ANKRD28: variants seen among roughly 807,000 people sequenced by gnomAD.
ANKRD28 encodes serine/threonine-protein phosphatase 6 regulatory ankyrin repeat subunit A.
A neutral mutation model predicts 126.5 loss-of-function variants in ANKRD28; 44 were observed. The ratio of observed to expected loss-of-function variants is 0.35; its 90% CI spans 0.27 to 0.45. ANKRD28 has a LOEUF of 0.45. Ranked by LOEUF, ANKRD28 falls within the 20% of genes least tolerant of loss-of-function variation. The probability of loss-of-function intolerance (pLI) is 1.00; values close to 1 mark genes in which losing one functional copy is unlikely to be tolerated. For missense variants in ANKRD28, 1,110 were observed against 1,316.6 expected, an observed-to-expected ratio of 0.84 and a Z score of 2.43; for synonymous variants, 442 against 468.5, an observed-to-expected ratio of 0.94 and a Z score of 0.73.
chr3:15,795,183 G>A (rs1559545998), intron 2 of ANKRD28, 40 bp downstream of exon 2: 1 of 1,321,518 alleles, frequency 7.6e-7, no homozygotes, highest in East Asian at 2.3e-5. Flanking sequence ...ATTTTAAAAA[G>A]CAGTTTTAAA....
At chr3:15,703,161 A>G (rs2125980361) in intron 14 of ANKRD28, among the ~76,000 whole-genome samples, 1 of 152,354 alleles carries the variant, frequency 6.6e-6, no homozygotes, top group Middle Eastern at 3.4e-3. Flanking sequence ...AAAAAAATTT[A>G]AAGATTGATT....
intron 2 of ANKRD28, among the ~76,000 whole-genome samples, chr3:15,783,078 GATAA>G (rs1371863635): frequency 6.6e-6 from 1 of 151,558 alleles, no homozygotes; most frequent in Non-Finnish European, 1.5e-5. Flanking sequence ...TAAAAGAATT[GATAA>G]ATGTGGATGT....
rs144207025 is a variant in ANKRD28, at chr3:15,859,058, G to C, written c.27+319C>G. ...AGCGGGGAAGCCACCTGTTAGGCCC[G>C]AGCCTCACCTGGCAGGAAAGAGGAA... On this transcript the variant is annotated intron_variant, in intron 1 of 27. Transcript: ENST00000399451. Among the ~76,000 whole-genome samples, 377 of 152,298 alleles carry C rather than the reference G, an allele frequency of 2.5e-3. 2 individuals carry two copies. The highest frequency in any genetic ancestry group is 8.7e-3 in the African/African-American group (363 of 41,580).
chr3:15,678,895 C>A (rs2067233114), intron 23 of ANKRD28, among the ~76,000 whole-genome samples: 1 of 152,048 alleles, frequency 6.6e-6, no homozygotes, highest in Non-Finnish European at 1.5e-5. Flanking sequence ...ATATAAAAAT[C>A]AACTTTTAAT....
intron 1 of ANKRD28, 110 bp downstream of exon 1, chr3:15,796,295 A>T: frequency 1.7e-6 from 1 of 580,732 alleles, no homozygotes; most frequent in Non-Finnish European, 2.4e-6. Flanking sequence ...GTATTGCTTT[A>T]ATTTGGGTTT....
Position 15,669,531 on chromosome 3 carries a change from T to C in ANKRD28, c.*739A>G, listed in dbSNP as rs2066161579. 6.6e-6 allele frequency: 1 copy of C among 152,202 alleles called. No homozygotes were observed. Among genetic ancestry groups the C allele is most frequent in the African/African-American group, 2.4e-5 (1 of 41,456 alleles). The allele number at this position is 152,202 out of a possible 1,614,324, so 9.4% of individuals were successfully genotyped here. A position where few individuals can be genotyped will look rare whatever the true frequency, so the allele number is the denominator to read the frequency against. On this transcript the variant is annotated 3_prime_UTR_variant, in exon 28 of 28. Coordinates refer to ENST00000683139, the MANE Select transcript of ANKRD28 (RefSeq NM_001349278.2). Reference sequence around the variant, plus strand: ...TCTATGTCACAAGTATTTTCACCCGTATTGCACCCAGTCAGCTGGTTTTTA... The same window carrying C: ...TCTATGTCACAAGTATTTTCACCCGCATTGCACCCAGTCAGCTGGTTTTTA...
chr3:15,744,210 T>A (rs1213407603), intron 4 of ANKRD28, among the ~76,000 whole-genome samples: 3 of 152,250 alleles, frequency 2.0e-5, no homozygotes, highest in Non-Finnish European at 4.4e-5. Context: ...TGATACTCAG[T>A]GTTTACAGAA....
intron 4 of ANKRD28, among the ~76,000 whole-genome samples, chr3:15,743,783 T>C (rs958751502): frequency 6.6e-6 from 1 of 151,974 alleles, no homozygotes; most frequent in Non-Finnish European, 1.5e-5. Flanking sequence ...TGAAGGAGAG[T>C]TGGGGAGTCT....
At chr3:15,678,012 G>A (rs1219775705) in intron 24 of ANKRD28, among the ~76,000 whole-genome samples, 197 bp downstream of exon 24, 1 of 152,096 alleles carries the variant, frequency 6.6e-6, no homozygotes, top group Non-Finnish European at 1.5e-5. Context: ...TAAGGCCATG[G>A]TAAAGTAGAC....
intron 4 of ANKRD28, among the ~76,000 whole-genome samples, chr3:15,744,529 C>G (rs2125278130): frequency 6.7e-6 from 1 of 149,392 alleles, no homozygotes; most frequent in Admixed American, 6.7e-5. Flanking sequence ...GTTGGCCAGG[C>G]TGGTCTTGAA....
chr3:15,721,126 A>C lies in ANKRD28; in HGVS notation c.785T>G (p.Met262Arg). The change falls in exon 8 of 28, where the codon ATG (methionine) becomes AGG (arginine). Residue 262 changes from methionine to arginine, a missense_variant and splice_region_variant. By Grantham distance (91) the Met-to-Arg change is moderately conservative. Transcript: ENST00000683139. The stretch of plus-strand genomic sequence containing the variant: ...ATTTCCATAGGCATTTGGTTCATTC[A>C]TCTATTAGAAGGGAAAAAAATGCGA... ...VKYLLDLGVD[M>R]NEPNAYGNTP... 6.2e-7 allele frequency: 1 copy of C among 1,608,420 alleles called. No individual in the cohort carries two copies. Among genetic ancestry groups the C allele is most frequent in the South Asian group, 1.1e-5 (1 of 89,548 alleles).
At chr3:15,772,699 A>T (rs1311847161) in intron 2 of ANKRD28, among the ~76,000 whole-genome samples, 1 of 152,116 alleles carries the variant, frequency 6.6e-6, no homozygotes, top group Non-Finnish European at 1.5e-5. Context: ...TTATTCATTT[A>T]TTTTTGAGGC....
At chr3:15,712,971 T>C (rs1175524475) in intron 10 of ANKRD28, among the ~76,000 whole-genome samples, 1 of 152,150 alleles carries the variant, frequency 6.6e-6, no homozygotes, top group African/African-American at 2.4e-5. Context: ...ATGATAAACA[T>C]AAATTTAAGT....
chr3:15,804,601 C>T (rs545726247), intron 1 of ANKRD28, among the ~76,000 whole-genome samples: 3 of 145,112 alleles, frequency 2.1e-5, no homozygotes, highest in African/African-American at 7.7e-5. Context: ...CAATGGCTCA[C>T]GGTGTCCAGG....
At chr3:15,811,541 G>A (rs567151894) in intron 1 of ANKRD28, among the ~76,000 whole-genome samples, 2 of 152,170 alleles carry the variant, frequency 1.3e-5, no homozygotes, top group South Asian at 2.1e-4. Context: ...TGCAACCTCT[G>A]TCTCCTGGGT....
chr3:15,697,098 A>C (rs2069703759), intron 14 of ANKRD28, among the ~76,000 whole-genome samples: 1 of 152,210 alleles, frequency 6.6e-6, no homozygotes, highest in African/African-American at 2.4e-5. Flanking sequence ...TACACCATGG[A>C]ATACTATTCA....
chr3:15,786,809 T>C (rs187987838), intron 2 of ANKRD28, among the ~76,000 whole-genome samples: 14 of 152,208 alleles, frequency 9.2e-5, no homozygotes, highest in African/African-American at 3.4e-4. Context: ...GTATTGATAC[T>C]TGAGCTTTAT....
At chr3:15,746,828 A>C (rs2057507795) in intron 4 of ANKRD28, among the ~76,000 whole-genome samples, 1 of 152,132 alleles carries the variant, frequency 6.6e-6, no homozygotes, top group Admixed American at 6.5e-5. Flanking sequence ...CCAGTCCTGG[A>C]CTTTTTATTT....
Position 15,854,791 on chromosome 3 carries a change from C to G in ANKRD28, c.27+4586G>C, listed in dbSNP as rs1427810744. On this transcript the variant is annotated intron_variant, in intron 1 of 27. Coordinates refer to the ANKRD28 transcript ENST00000399451. The surrounding 1 kb of genome is among the most constrained non-coding windows in gnomAD (Gnocchi z 4.1). Reference sequence around the variant, plus strand: ...ACACGCCAGGCATGGTGGCTCACGCCTGTAATCCCAGCACTTTGGGAGGCC... The same window carrying G: ...ACACGCCAGGCATGGTGGCTCACGCGTGTAATCCCAGCACTTTGGGAGGCC... 6.6e-6 allele frequency among the ~76,000 whole-genome samples: 1 copy of G among 152,156 alleles called. No homozygotes were observed. The highest frequency in any genetic ancestry group is 1.5e-5 in the Non-Finnish European group (1 of 68,024).
Sources: allele counts gnomAD v4.1 joint callset (sites outside exome capture counted in the v4.1 genomes callset), GRCh38; gene constraint gnomAD v4.1.1; non-coding constraint Gnocchi (gnomAD v3.1); transcripts MANE v1.5; gene names NCBI Gene and HGNC (gene_info 2026-07-23, HGNC 2026-07-21).